Variants in HECW1 observed in about 807,000 individuals in gnomAD.
HECW1 encodes E3 ubiquitin-protein ligase HECW1.
In HECW1, 61 loss-of-function variants were observed where a neutral mutation model predicts 182.3. The observed-to-expected ratio is 0.33, with a 90% CI of 0.27 to 0.41. HECW1 has a LOEUF of 0.41. HECW1 is among the 10% of genes least tolerant of loss of function. The pLI is 1.00. For missense variants in HECW1, 1,739 were observed against 2,108.9 expected, an observed-to-expected ratio of 0.82 and a Z score of 3.44; for synonymous variants, 859 against 832.6, an observed-to-expected ratio of 1.03 and a Z score of -0.55.
At chr7:43,201,796 G>GA (rs771738628) in intron 2 of HECW1, among the ~76,000 whole-genome samples, 3 of 151,654 alleles carry the variant, frequency 2.0e-5, no homozygotes, top group East Asian at 1.9e-4. Flanking sequence ...ACAACTAAAC[G>GA]AAAAAAATAT....
intron 3 of HECW1, among the ~76,000 whole-genome samples, chr7:43,305,765 A>ATT (rs562122270): frequency 6.9e-5 from 10 of 144,200 alleles, no homozygotes; most frequent in Admixed American, 1.4e-4. Flanking sequence ...CGCCCAGCTA[A>ATT]TTTTTTTTTT....
chr7:43,548,939 G>A (rs2081679135), intron 26 of HECW1, among the ~76,000 whole-genome samples: 3 of 152,154 alleles, frequency 2.0e-5, no homozygotes, highest in Admixed American at 6.5e-5. Flanking sequence ...GTGAGACCCT[G>A]TCTCAAAACA....
At chr7:43,371,258 A>C (rs1012715646) in intron 6 of HECW1, among the ~76,000 whole-genome samples, 6 of 152,202 alleles carry the variant, frequency 3.9e-5, no homozygotes, top group African/African-American at 1.4e-4. Context: ...CCCACAGAAT[A>C]TACAACACTA....
At chr7:43,352,583 C>A (rs530434150) in intron 5 of HECW1, among the ~76,000 whole-genome samples, 37 of 152,252 alleles carry the variant, frequency 2.4e-4, no homozygotes, top group African/African-American at 8.7e-4. Context: ...CCTAGGTCTG[C>A]CATGAACCAT....
intron 26 of HECW1, among the ~76,000 whole-genome samples, chr7:43,549,853 T>C (rs1339309630): frequency 6.6e-6 from 1 of 152,214 alleles, no homozygotes; most frequent in African/African-American, 2.4e-5. Context: ...GCATCAAGTA[T>C]GTGATTGTAG....
At chr7:43,344,775 C>T (rs1192011670) in intron 5 of HECW1, among the ~76,000 whole-genome samples, 1 of 152,002 alleles carries the variant, frequency 6.6e-6, no homozygotes, top group Admixed American at 6.6e-5. Flanking sequence ...AATTTCTCCT[C>T]TGTGTTGTTT....
intron 24 of HECW1, among the ~76,000 whole-genome samples, chr7:43,525,301 A>G (rs1200417434): frequency 6.6e-6 from 1 of 152,270 alleles, no homozygotes; most frequent in Non-Finnish European, 1.5e-5. Flanking sequence ...CCATGAAATC[A>G]GTTCATTTCC....
At chr7:43,258,086 TC>T (rs1800772283) in intron 3 of HECW1, among the ~76,000 whole-genome samples, 1 of 152,158 alleles carries the variant, frequency 6.6e-6, no homozygotes, top group Non-Finnish European at 1.5e-5. Flanking sequence ...ACGCCTGTAA[TC>T]TCAGCACTGT....
intron 2 of HECW1, among the ~76,000 whole-genome samples, chr7:43,212,329 C>G (rs930681303): frequency 5.9e-5 from 9 of 152,160 alleles, no homozygotes; most frequent in African/African-American, 2.2e-4. Flanking sequence ...CATTTGCCAT[C>G]TTATAAAACA....
chr7:43,192,186 T>C (rs142603183), intron 2 of HECW1, among the ~76,000 whole-genome samples: 7,067 of 152,270 alleles, frequency 0.046, 259 homozygotes, highest in East Asian at 0.15. Flanking sequence ...CTCAAACTCC[T>C]GACCTCAGGT....
chr7:43,352,667 C>T (rs1221308063), intron 5 of HECW1, among the ~76,000 whole-genome samples: 2 of 152,132 alleles, frequency 1.3e-5, no homozygotes, highest in African/African-American at 4.8e-5. Context: ...TGACAGGTGA[C>T]ATTTACTGAG....
At chr7:43,151,978 C>A (rs1206700383) in intron 2 of HECW1, among the ~76,000 whole-genome samples, 1 of 152,040 alleles carries the variant, frequency 6.6e-6, no homozygotes, top group Non-Finnish European at 1.5e-5. Context: ...GACATAAATT[C>A]TATAGATCTC....
intron 3 of HECW1, among the ~76,000 whole-genome samples, chr7:43,274,923 A>G (rs17796504): frequency 0.14 from 21,122 of 152,130 alleles, 1,861 homozygotes; most frequent in South Asian, 0.26. Context: ...AAAATTAAAA[A>G]CTATACAACT....
chr7:43,360,806 A>G (rs1815777248), intron 5 of HECW1, 80 bp from the exon 6 acceptor site: 5 of 1,011,608 alleles, frequency 4.9e-6, no homozygotes, highest in Non-Finnish European at 6.3e-6. Flanking sequence ...TGCAGTTCTT[A>G]GAGATGTCCT....
rs146082046 is a variant in HECW1, at chr7:43,515,116, G to T, written c.4019+5995G>T. ...AAAAATGAATGAGAATAATTGGCTG[G>T]CAGAGAAGAGGAGTGGGGAATTCTA... is the stretch of plus-strand genomic sequence containing the variant. On this transcript the variant is annotated intron_variant, in intron 24 of 29. Transcript: ENST00000395891. Among the ~76,000 whole-genome samples, 7 of 152,316 alleles carry T rather than the reference G, an allele frequency of 4.6e-5. No individual in the cohort carries two copies. In the East Asian group the frequency reaches 1.4e-3, roughly 29 times the overall value.
chr7:43,278,474 C>T (rs967362738), intron 3 of HECW1, among the ~76,000 whole-genome samples: 13 of 152,266 alleles, frequency 8.5e-5, no homozygotes, highest in East Asian at 7.8e-4. Context: ...CCCACCCATG[C>T]GGCCCGTTCT....
At chr7:43,245,462 C>T (rs746328730) in intron 3 of HECW1, 1 of 152,212 alleles carries the variant, frequency 6.6e-6, no homozygotes, top group Non-Finnish European at 1.5e-5. Flanking sequence ...AAGAATGCCG[C>T]CTCTTTCTTC....
Position 43,445,334 on chromosome 7 carries a change from C to G in HECW1, c.2162C>G (p.Ser721Cys). ...NRFASHTRFS[S>C]VDSAKISEST... ...TTCGCCAGCCACACGCGCTTCTCCT[C>G]CGTGGACAGCGCCAAGATCTCCGAG... Residue 721 changes from serine (S) to cysteine (C), a missense_variant, in exon 11 of 30, where the codon TCC (serine) becomes TGC (cysteine). Ser to Cys is a moderately radical substitution (Grantham distance 112). Transcript: ENST00000395891. The G allele has an allele frequency of 6.2e-7, 1 of 1,613,836 alleles. No individual in the cohort carries two copies. Among genetic ancestry groups the G allele is most frequent in the Non-Finnish European group, 8.5e-7 (1 of 1,180,038 alleles).
At chr7:43,160,896 T>C (rs1562614176) in intron 2 of HECW1, among the ~76,000 whole-genome samples, 1 of 152,130 alleles carries the variant, frequency 6.6e-6, no homozygotes, top group African/African-American at 2.4e-5. Flanking sequence ...AGTTGTCGTA[T>C]TTATTTATTT....
Sources: gnomAD v4.1 joint callset for allele counts (sites outside exome capture counted in the v4.1 genomes callset) on GRCh38, gnomAD v4.1.1 for gene constraint, MANE v1.5 for transcripts, NCBI Gene and HGNC (gene_info 2026-07-23, HGNC 2026-07-21) for gene names.